The following KDM4B variants were observed in gnomAD, a reference collection of about 807,000 sequenced individuals.
KDM4B encodes lysine demethylase 4B.
A neutral mutation model predicts 125.2 loss-of-function variants in KDM4B; 32 were observed. That is an observed-to-expected ratio of 0.26 (90% confidence interval 0.19 to 0.34). The LOEUF is 0.34. Ranked by LOEUF, KDM4B falls within the 10% of genes least tolerant of loss-of-function variation. The probability of loss-of-function intolerance (pLI) is 1.00; values close to 1 mark genes in which losing one functional copy is unlikely to be tolerated. For missense variants in KDM4B, 1,190 were observed against 1,577.7 expected (o/e 0.75, Z 4.16); for synonymous variants, 721 against 677.9 (o/e 1.06, Z -0.99).
intron 9 of KDM4B, among the ~76,000 whole-genome samples, chr19:5,100,066 A>ATTC (rs2038901520): frequency 6.6e-6 from 1 of 152,262 alleles, no homozygotes; most frequent in Non-Finnish European, 1.5e-5. Flanking sequence ...TGCTGGCACA[A>ATTC]AGATGCTCCT....
chr19:5,004,575 C>G (rs56011560), intron 1 of KDM4B, among the ~76,000 whole-genome samples: 5,164 of 152,254 alleles, frequency 0.034, 101 homozygotes, highest in Middle Eastern at 0.11. Context: ...TCCCTGTGAC[C>G]CGGTGTGCAT....
Position 5,119,775 on chromosome 19 carries a change from G to A in KDM4B, c.1238G>A (p.Gly413Glu). 6.5e-7 allele frequency: 1 copy of A among 1,545,804 alleles called. No individual in the cohort carries two copies. The highest frequency in any genetic ancestry group is 8.7e-7 in the Non-Finnish European group (1 of 1,144,744). The change falls in exon 11 of 23, where the codon GGG (glycine) becomes GAG (glutamate). Residue 413 changes from glycine to glutamate, a missense_variant. Around this residue, in one of 7 missense-constraint regions of KDM4B, gnomAD observed 428 missense variants for 405.1 expected, o/e 1.06. Coordinates refer to ENST00000159111, the MANE Select transcript of KDM4B (RefSeq NM_015015.3). ...EAGGSVKEEA[G>E]PEVDPEEEEE... is the part of the protein sequence containing the mutation. The stretch of plus-strand genomic sequence containing the variant: ...GGGGGCAGCGTGAAGGAGGAGGCTG[G>A]GCCGGAGGTTGACCCCGAGGAGGAG...
rs546468415 is a variant in KDM4B, at chr19:5,040,539, A to T, written c.317+528A>T. ...TACACAGGCACATCCATGTGGGCAC[A>T]CCTATGGGCGCCTACCCAGGTACAC... On this transcript the variant is annotated intron_variant, in intron 4 of 22. Coordinates refer to ENST00000159111, the MANE Select transcript of KDM4B (RefSeq NM_015015.3). 5.9e-5 allele frequency among the ~76,000 whole-genome samples: 9 copies of T among 152,250 alleles called. 1 individual carries two copies. The South Asian group carries it at 1.9e-3, about 32-fold the overall frequency.
At chr19:5,043,929 C>T (rs1349366292) in intron 5 of KDM4B, among the ~76,000 whole-genome samples, 7 of 135,004 alleles carry the variant, frequency 5.2e-5, no homozygotes, top group Admixed American at 1.5e-4. Flanking sequence ...TGGTGTTTAT[C>T]GGAGTGGGGG....
At chr19:5,113,751 G>A (rs892594280) in intron 10 of KDM4B, 5 of 310,560 alleles carry the variant, frequency 1.6e-5, no homozygotes, top group Non-Finnish European at 1.9e-5. Flanking sequence ...CCTAGACATC[G>A]CCCAGTCCCC....
chr19:5,111,975 C>G (rs1032754956), intron 10 of KDM4B: 1 of 630,132 alleles, frequency 1.6e-6, no homozygotes, highest in Non-Finnish European at 2.9e-6. Flanking sequence ...GAACATTGGC[C>G]AGGCACGATC....
intron 1 of KDM4B, among the ~76,000 whole-genome samples, chr19:4,978,200 A>T (rs1364512951): frequency 6.6e-6 from 1 of 151,920 alleles, no homozygotes; most frequent in Non-Finnish European, 1.5e-5. Context: ...CGTTCTCTTG[A>T]CACCCCTAGA....
chr19:5,104,611 G>T (rs1009404534), intron 9 of KDM4B, among the ~76,000 whole-genome samples: 2 of 152,076 alleles, frequency 1.3e-5, no homozygotes, highest in African/African-American at 4.8e-5. Flanking sequence ...CTTGGAAGGG[G>T]GTTTTGTCTG....
intron 5 of KDM4B, among the ~76,000 whole-genome samples, chr19:5,046,136 G>A (rs2037018116): frequency 2.0e-5 from 3 of 152,252 alleles, no homozygotes; most frequent in Admixed American, 2.0e-4. Context: ...CACTTGGCCT[G>A]TAGTGATGAC....
intron 6 of KDM4B, among the ~76,000 whole-genome samples, chr19:5,070,127 A>G (rs1183229403): frequency 6.6e-6 from 1 of 152,102 alleles, no homozygotes; most frequent in Non-Finnish European, 1.5e-5. Context: ...GGACTTGACC[A>G]TCCTCAGCTG....
chr19:5,102,045 G>A (rs1050520937), intron 9 of KDM4B, among the ~76,000 whole-genome samples: 1 of 152,176 alleles, frequency 6.6e-6, no homozygotes, highest in Non-Finnish European at 1.5e-5. Flanking sequence ...CAGTCCTCGC[G>A]CAGACCTCCG....
At chr19:5,133,647 C>T (rs181079552) in intron 13 of KDM4B, among the ~76,000 whole-genome samples, 1 of 152,294 alleles carries the variant, frequency 6.6e-6, no homozygotes, top group African/African-American at 2.4e-5. Flanking sequence ...GGCAGTCAGC[C>T]GAGACAGACG....
intron 1 of KDM4B, among the ~76,000 whole-genome samples, chr19:5,007,447 TG>T (rs1437758084): frequency 6.6e-6 from 1 of 152,256 alleles, no homozygotes; most frequent in African/African-American, 2.4e-5. Flanking sequence ...TTGCAAGAGT[TG>T]TTGACATATT....
intron 1 of KDM4B, among the ~76,000 whole-genome samples, chr19:5,001,649 T>C (rs2035388820): frequency 6.6e-6 from 1 of 152,198 alleles, no homozygotes; most frequent in African/African-American, 2.4e-5. Context: ...TTTGTTAGCT[T>C]TTATGCTAAA....
intron 9 of KDM4B, among the ~76,000 whole-genome samples, chr19:5,091,606 T>G (rs1245372304): frequency 6.6e-6 from 1 of 152,122 alleles, no homozygotes; most frequent in South Asian, 2.1e-4. Context: ...CTGAACTTAA[T>G]TACTGTAAAA....
chr19:5,025,374 T>G (rs1413607963), intron 2 of KDM4B, among the ~76,000 whole-genome samples: 1 of 152,182 alleles, frequency 6.6e-6, no homozygotes, highest in Admixed American at 6.5e-5. Context: ...GTTCCCGTGC[T>G]AAAACCATGG....
intron 9 of KDM4B, among the ~76,000 whole-genome samples, chr19:5,089,591 A>G (rs1049420749): frequency 6.6e-6 from 1 of 152,002 alleles, no homozygotes; most frequent in Non-Finnish European, 1.5e-5. Context: ...TTGAACTGGG[A>G]AAGGGAGATT....
chr19:4,990,792 TCTTGTGTTGGTTCC>T (rs2035007440), intron 1 of KDM4B, among the ~76,000 whole-genome samples: 1 of 152,160 alleles, frequency 6.6e-6, no homozygotes, highest in African/African-American at 2.4e-5. Flanking sequence ...TTAGTGCTAT[TCTTGTGTTGGTTCC>T]CTTTATTATT....
chr19:5,045,394 T>G (rs562000883), intron 5 of KDM4B, among the ~76,000 whole-genome samples: 1 of 152,256 alleles, frequency 6.6e-6, no homozygotes, highest in East Asian at 1.9e-4. Context: ...TTGTTGTTGT[T>G]GTTGTTGTTT....
Sources: allele counts gnomAD v4.1 joint callset (sites outside exome capture counted in the v4.1 genomes callset), GRCh38; gene constraint gnomAD v4.1.1; regional missense constraint gnomAD v4.1.1; transcripts MANE v1.5; gene names NCBI Gene and HGNC (gene_info 2026-07-23, HGNC 2026-07-21).